GTF3C1: variants seen among roughly 807,000 people sequenced by gnomAD.
The protein encoded by GTF3C1 is general transcription factor IIIC subunit 1.
Under a neutral mutation model 226.7 loss-of-function variants are expected in GTF3C1, and 57 were observed. The observed-to-expected ratio is 0.25, with a 90% CI of 0.20 to 0.31. GTF3C1 has a LOEUF of 0.31. Ranked by LOEUF, GTF3C1 falls within the 10% of genes least tolerant of loss-of-function variation. The pLI is 1.00. For synonymous variants in GTF3C1, 1,090 were observed against 1,084.8 expected (o/e 1.00, Z -0.09); for missense variants, 2,217 against 2,776.1 (o/e 0.80, Z 4.53).
Position 27,494,790 on chromosome 16 carries a change from G to A in GTF3C1, c.2751C>T (p.Phe917=). ...DILLCLPLSI[F]IQIVQVSYKV... ...TGTAGCTGACTTGCACAATCTGGATGAAGATGGAGAGGGGAAGGCAGAGGA... is the reference window on the plus strand; with the variant it reads ...TGTAGCTGACTTGCACAATCTGGATAAAGATGGAGAGGGGAAGGCAGAGGA... Residue 917 remains phenylalanine, a synonymous_variant, in exon 16 of 37, where the codon TTC becomes TTT. Transcript: ENST00000356183. 6.2e-7 allele frequency: 1 copy of A among 1,612,848 alleles called. No homozygotes were observed. Among genetic ancestry groups the A allele is most frequent in the Non-Finnish European group, 8.5e-7 (1 of 1,178,782 alleles).
intron 7 of GTF3C1, among the ~76,000 whole-genome samples, chr16:27,510,335 A>G (rs1001231185): frequency 1.3e-5 from 2 of 151,788 alleles, no homozygotes; most frequent in African/African-American, 4.8e-5. Flanking sequence ...GCAGTGAGCC[A>G]AGATCGCACC....
chr16:27,495,207 T>C lies in GTF3C1; in HGVS notation c.2632+4A>G. On this transcript the variant is annotated splice_donor_region_variant and intron_variant, in intron 15 of 36. Coordinates refer to ENST00000356183, the MANE Select transcript of GTF3C1 (RefSeq NM_001520.4). Reference sequence around the variant, plus strand: ...CAGGTGCAGGAGTGGCAGGGGCCTCTCACCTGTCTCCGTGGCAAGCTCCAC... The same window carrying C: ...CAGGTGCAGGAGTGGCAGGGGCCTCCCACCTGTCTCCGTGGCAAGCTCCAC... 1.2e-6 allele frequency: 2 copies of C among 1,605,368 alleles called. No individual in the cohort carries two copies. The highest frequency in any genetic ancestry group is 1.7e-6 in the Non-Finnish European group (2 of 1,174,158).
chr16:27,534,457 G>C (rs2088969677), intron 4 of GTF3C1, among the ~76,000 whole-genome samples: 1 of 152,160 alleles, frequency 6.6e-6, no homozygotes, highest in Non-Finnish European at 1.5e-5. Flanking sequence ...CATCTGTACT[G>C]CTTCTCAATG....
chr16:27,508,133 C>T (rs2088515606), intron 8 of GTF3C1, among the ~76,000 whole-genome samples: 1 of 152,244 alleles, frequency 6.6e-6, no homozygotes, highest in African/African-American at 2.4e-5. Context: ...CCTCAGCCTC[C>T]TGAGTAGCTA....
chr16:27,469,179 G>T lies in GTF3C1; in HGVS notation c.5074+112C>A, dbSNP rs2087827355. On this transcript the variant is annotated intron_variant, in intron 32 of 36. Transcript: ENST00000356183. The surrounding 1 kb of genome is among the most constrained non-coding windows in gnomAD (Gnocchi z 4.5). ...GGTGTGTTTTTCTGTGTGTTCTGTG[G>T]CTGCACGCCTGGCCTGGGGAGCCTG... is the stretch of plus-strand genomic sequence containing the variant. 1.8e-6 allele frequency: 2 copies of T among 1,094,248 alleles called. No individual in the cohort carries two copies. Among genetic ancestry groups the T allele is most frequent in the Non-Finnish European group, 2.6e-6 (2 of 781,800 alleles). The allele number at this position is 1,094,248 out of a possible 1,614,324, so 67.8% of individuals were successfully genotyped here. A position where few individuals can be genotyped will look rare whatever the true frequency, so the allele number is the denominator to read the frequency against.
chr16:27,513,489 T>G (rs1056118968), intron 6 of GTF3C1, among the ~76,000 whole-genome samples: 3 of 151,912 alleles, frequency 2.0e-5, no homozygotes, highest in African/African-American at 7.3e-5. Context: ...CAAAAAGTCG[T>G]TAAAAGAGAG....
rs116738787 is a variant in GTF3C1, at chr16:27,499,206, C to T, written c.2062-473G>A. ...CGTCATGGGACTCCTGCCAGGCACA[C>T]GTCCAAACAAACCGGCAGAGGATTT... On this transcript the variant is annotated intron_variant, in intron 12 of 36. Coordinates refer to ENST00000356183, the MANE Select transcript of GTF3C1 (RefSeq NM_001520.4). Among the ~76,000 whole-genome samples the T allele has an allele frequency of 6.4e-3, 982 of 152,362 alleles. 13 individuals carry two copies. Among genetic ancestry groups the T allele is most frequent in the African/African-American group, 0.02 (823 of 41,580 alleles).
intron 2 of GTF3C1, among the ~76,000 whole-genome samples, chr16:27,542,224 G>C: frequency 6.6e-6 from 1 of 152,150 alleles, no homozygotes. Flanking sequence ...GCAGTACTAT[G>C]GTTTGGATGA....
chr16:27,484,491 A>G, intron 24 of GTF3C1, 138 bp from the exon 25 acceptor site: 2 of 630,916 alleles, frequency 3.2e-6, no homozygotes, highest in Non-Finnish European at 5.7e-6. Flanking sequence ...TCACCTCACA[A>G]TATTTACTGG....
intron 6 of GTF3C1, among the ~76,000 whole-genome samples, chr16:27,515,749 G>A (rs1284027547): frequency 6.6e-6 from 1 of 152,234 alleles, no homozygotes; most frequent in Non-Finnish European, 1.5e-5. Context: ...TGGGATGACA[G>A]TGTTCTCTGT....
chr16:27,549,731 G>C lies in GTF3C1; in HGVS notation c.160C>G (p.His54Asp). Residue 54 changes from histidine to aspartate, a missense_variant, in exon 1 of 37, where the codon CAC (histidine) becomes GAC (aspartate). Physicochemically the swap from His to Asp is moderately conservative, Grantham distance 81. Around this residue, in one of 12 missense-constraint regions of GTF3C1, gnomAD observed 192 missense variants for 251.8 expected, o/e 0.76. Coordinates refer to ENST00000356183, the MANE Select transcript of GTF3C1 (RefSeq NM_001520.4). ...QEFLWRALATHPGISFYEEPR... is the reference protein window; with the variant it reads ...QEFLWRALATDPGISFYEEPR... ...TCCTCATAGAAGCTGATGCCCGGGT[G>C]CGTGGCGAGGGCCCGCCAGAGAAAC... The C allele has an allele frequency of 6.2e-7, 1 of 1,611,294 alleles. No homozygotes were observed.
chr16:27,464,559 G>T lies in GTF3C1; in HGVS notation c.5633C>A (p.Thr1878Asn), dbSNP rs764868074. ...TGGCCTCTTGGCAGGGGTCATCTGG[G>T]TGCCCTCGGCGTCGGTCTCCCCATT... ...SENGETDAEG[T>N]QMTPAKRPAL... The change falls in exon 34 of 37, where the codon ACC (threonine) becomes AAC (asparagine). Residue 1878 changes from threonine (T) to asparagine (N), a missense_variant. Transcript: ENST00000356183. 17 of 1,494,162 alleles carry T rather than the reference G, an allele frequency of 1.1e-5. No individual in the cohort carries two copies. In the Admixed American group the frequency reaches 3.6e-4, roughly 31 times the overall value. The allele number at this position is 1,494,162 out of a possible 1,614,324, so 92.6% of individuals were successfully genotyped here. A position where few individuals can be genotyped will look rare whatever the true frequency, so the allele number is the denominator to read the frequency against.
intron 2 of GTF3C1, among the ~76,000 whole-genome samples, chr16:27,543,548 C>T (rs1227541461): frequency 6.6e-6 from 1 of 152,048 alleles, no homozygotes; most frequent in Non-Finnish European, 1.5e-5. Context: ...TGCCACTATG[C>T]CCAGCTAGTT....
intron 2 of GTF3C1, among the ~76,000 whole-genome samples, chr16:27,538,584 T>C (rs995382538): frequency 6.6e-6 from 1 of 152,192 alleles, no homozygotes; most frequent in Admixed American, 6.5e-5. Flanking sequence ...GAGCCAATCT[T>C]ATTTCCTTGC....
chr16:27,524,012 G>C (rs1416928443), intron 6 of GTF3C1, among the ~76,000 whole-genome samples: 1 of 152,182 alleles, frequency 6.6e-6, no homozygotes, highest in Admixed American at 6.5e-5. Context: ...CTTTCTTCTG[G>C]AAAGTCCTCT....
At chr16:27,515,711 A>G (rs2088647132) in intron 6 of GTF3C1, among the ~76,000 whole-genome samples, 1 of 152,160 alleles carries the variant, frequency 6.6e-6, no homozygotes, top group Non-Finnish European at 1.5e-5. Flanking sequence ...ATTACCAAGT[A>G]TGACTCTTTG....
chr16:27,544,268 T>C (rs2141464705), intron 2 of GTF3C1, among the ~76,000 whole-genome samples: 1 of 151,924 alleles, frequency 6.6e-6, no homozygotes, highest in South Asian at 2.1e-4. Context: ...GCGCCTGTGG[T>C]CCCAGCTACT....
intron 13 of GTF3C1, among the ~76,000 whole-genome samples, chr16:27,498,428 AG>A (rs1292852154): frequency 6.6e-6 from 1 of 152,362 alleles, no homozygotes; most frequent in Non-Finnish European, 1.5e-5. Context: ...GACAGAATAA[AG>A]ACCATTAGGA....
At chr16:27,490,945 C>T (rs2088224307) in intron 19 of GTF3C1, among the ~76,000 whole-genome samples, 1 of 152,182 alleles carries the variant, frequency 6.6e-6, no homozygotes, top group Non-Finnish European at 1.5e-5. Context: ...GATGGAAATT[C>T]ACCAATTGTC....
Sources: gnomAD v4.1 joint callset for allele counts (sites outside exome capture counted in the v4.1 genomes callset) on GRCh38, gnomAD v4.1.1 for gene constraint, gnomAD v4.1.1 regional missense constraint, Gnocchi (gnomAD v3.1) non-coding constraint, MANE v1.5 for transcripts, NCBI Gene and HGNC (gene_info 2026-07-23, HGNC 2026-07-21) for gene names.